Variants in B4GALNT3 observed in about 807,000 individuals in gnomAD.
The protein encoded by B4GALNT3 is beta-1,4-N-acetyl-galactosaminyltransferase 3, also known as beta-1,4-N-acetylgalactosaminyltransferase 3.
A neutral mutation model predicts 120.2 loss-of-function variants in B4GALNT3; 86 were observed. The observed-to-expected ratio is 0.72, with a 90% CI of 0.60 to 0.86. The LOEUF (loss-of-function observed/expected upper bound fraction) is 0.86. Among genes scored for constraint, B4GALNT3 ranks in the 40% least tolerant of loss-of-function variants. B4GALNT3 has a pLI of 0.00. For synonymous variants in B4GALNT3, 518 were observed against 510.4 expected (o/e 1.01, Z -0.20); for missense variants, 1,167 against 1,298.9 (o/e 0.90, Z 1.56).
intron 18 of B4GALNT3, 56 bp from the exon 19 acceptor site, chr12:559,239 T>C (rs1366727595): frequency 6.2e-7 from 1 of 1,609,012 alleles, no homozygotes; most frequent in Non-Finnish European, 8.5e-7. Context: ...GAAGCCTCCT[T>C]CCTTCCTCCT....
intron 3 of B4GALNT3, among the ~76,000 whole-genome samples, chr12:537,147 A>C (rs918183245): frequency 1.3e-5 from 2 of 152,246 alleles, no homozygotes; most frequent in Non-Finnish European, 2.9e-5. Flanking sequence ...TCGAGGATCC[A>C]TAGAAATGCT....
chr12:538,359 C>G (rs1385928120), intron 3 of B4GALNT3, among the ~76,000 whole-genome samples: 1 of 151,706 alleles, frequency 6.6e-6, no homozygotes, highest in Non-Finnish European at 1.5e-5. Context: ...GAGTTCCAGA[C>G]CAGCCTGGGC....
intron 5 of B4GALNT3, 83 bp from the exon 6 acceptor site, chr12:545,286 A>C (rs186965519): frequency 1.3e-6 from 2 of 1,521,074 alleles, no homozygotes; most frequent in African/African-American, 2.7e-5. Flanking sequence ...AGGGAATTTA[A>C]TCGCTAAGAC....
intron 1 of B4GALNT3, among the ~76,000 whole-genome samples, chr12:485,973 T>C (rs1346283219): frequency 6.6e-6 from 1 of 152,164 alleles, no homozygotes; most frequent in African/African-American, 2.4e-5. Context: ...CAGAAACCTC[T>C]GCAGAAACCA....
At chr12:546,758 G>C in intron 7 of B4GALNT3, 45 bp downstream of exon 7, 1 of 1,521,442 alleles carries the variant, frequency 6.6e-7, no homozygotes, top group South Asian at 1.2e-5. Flanking sequence ...TCGGTGCCTC[G>C]GTGGAGCCCG....
At chr12:465,450 A>G (rs1946067367) in intron 1 of B4GALNT3, among the ~76,000 whole-genome samples, 2 of 152,164 alleles carry the variant, frequency 1.3e-5, no homozygotes, top group South Asian at 2.1e-4. Context: ...TCCCTGTACC[A>G]TAATACATAT....
At chr12:502,057 T>G (rs371626486) in intron 1 of B4GALNT3, among the ~76,000 whole-genome samples, 3 of 152,186 alleles carry the variant, frequency 2.0e-5, no homozygotes, top group South Asian at 4.2e-4. Context: ...AGGCCTCTCC[T>G]AAGGCTGAGA....
At chr12:551,465 G>A (rs906384017) in intron 11 of B4GALNT3, among the ~76,000 whole-genome samples, 10 of 152,204 alleles carry the variant, frequency 6.6e-5, no homozygotes, top group African/African-American at 2.4e-4. Flanking sequence ...AAAGAACCCA[G>A]AACCCATGCG....
chr12:536,006 A>G (rs1364660073), intron 2 of B4GALNT3, among the ~76,000 whole-genome samples: 1 of 152,194 alleles, frequency 6.6e-6, no homozygotes, highest in Non-Finnish European at 1.5e-5. Context: ...GCTTTCCCAT[A>G]TGGGGAGGAC....
chr12:543,555 C>A (rs1946947653), intron 3 of B4GALNT3, among the ~76,000 whole-genome samples: 1 of 110,452 alleles, frequency 9.1e-6, no homozygotes, highest in African/African-American at 3.9e-5. Context: ...GCTCATCCTC[C>A]TGGAACTGAG....
In B4GALNT3 at chr12:545,489, G is replaced by T. The variant is rs376110815; in HGVS notation, c.639+20G>T. 8.8e-5 allele frequency: 138 copies of T among 1,575,128 alleles called. No homozygotes were observed. Among genetic ancestry groups the T allele is most frequent in the Non-Finnish European group, 1.1e-4 (126 of 1,159,450 alleles). On this transcript the variant is annotated intron_variant, in intron 6 of 19. Transcript: ENST00000266383. ...GGCAAGGTAAGGCCAGCTCAACCCCGGTCCCTCCCATCTGCTCCTGGAGCC... is the reference window on the plus strand; with the variant it reads ...GGCAAGGTAAGGCCAGCTCAACCCCTGTCCCTCCCATCTGCTCCTGGAGCC...
chr12:554,723 G>A (rs1343548887), intron 14 of B4GALNT3, among the ~76,000 whole-genome samples: 1 of 136,866 alleles, frequency 7.3e-6, no homozygotes, highest in Non-Finnish European at 1.5e-5. Flanking sequence ...CCGGGAGGCG[G>A]AGCTTGCAGT....
intron 1 of B4GALNT3, among the ~76,000 whole-genome samples, chr12:494,802 T>G (rs1333560580): frequency 6.6e-6 from 1 of 150,618 alleles, no homozygotes; most frequent in East Asian, 2.0e-4. Context: ...AAAGGCTGAC[T>G]GGGGCCTAAT....
intron 1 of B4GALNT3, among the ~76,000 whole-genome samples, chr12:475,913 C>T (rs1031031660): frequency 2.0e-5 from 3 of 152,174 alleles, no homozygotes; most frequent in East Asian, 1.9e-4. Context: ...CCCTTAGAAT[C>T]GGGTCGGCGC....
chr12:467,685 C>T (rs1276300333), intron 1 of B4GALNT3, among the ~76,000 whole-genome samples: 1 of 152,218 alleles, frequency 6.6e-6, no homozygotes, highest in Admixed American at 6.5e-5. Context: ...ACCACAGCAT[C>T]ACTAACAAAA....
At position 510,831 on chromosome 12, in the gene B4GALNT3, G is replaced by A. The variant is rs1946540740; in HGVS notation, c.170-24335G>A. Among the ~76,000 whole-genome samples, 3 of 151,904 alleles carry A rather than the reference G, an allele frequency of 2.0e-5. No homozygotes were observed. In the South Asian group the frequency reaches 6.2e-4, roughly 32 times the overall value. On this transcript the variant is annotated intron_variant, in intron 1 of 19. Transcript: ENST00000266383. The stretch of plus-strand genomic sequence containing the variant: ...AGCCTCAGATTCTCAGTGCCCATCT[G>A]AGTATTCGATTCACTGGTGCTGGTA...
intron 1 of B4GALNT3, among the ~76,000 whole-genome samples, chr12:498,485 C>T (rs1946409566): frequency 6.7e-6 from 1 of 149,942 alleles, no homozygotes; most frequent in African/African-American, 2.5e-5. Flanking sequence ...TAGTTGACTT[C>T]CTGTTTTTGT....
At chr12:494,530 G>A (rs1946371256) in intron 1 of B4GALNT3, among the ~76,000 whole-genome samples, 1 of 152,170 alleles carries the variant, frequency 6.6e-6, no homozygotes, top group Non-Finnish European at 1.5e-5. Flanking sequence ...CCATCCCATA[G>A]TAGTCATGCA....
chr12:553,255 C>T lies in B4GALNT3; in HGVS notation c.1332C>T (p.Ala444=). The change falls in exon 14 of 20, where the codon GCC becomes GCT. Residue 444 remains alanine (A), a synonymous_variant. Coordinates refer to ENST00000266383, the MANE Select transcript of B4GALNT3 (RefSeq NM_173593.4). ...GGGAAGTGGCAGAGGAGACCCCTGC[C>T]TCCAACAACCAGAATGCCAGGATGC... The part of the protein sequence containing the change: ...QYGEVAEETP[A]SNNQNARMLE... 1.2e-6 allele frequency: 2 copies of T among 1,613,558 alleles called. No individual in the cohort carries two copies. The highest frequency in any genetic ancestry group is 1.1e-5 in the South Asian group (1 of 91,086).
Sources: gnomAD v4.1 joint callset for allele counts (sites outside exome capture counted in the v4.1 genomes callset) on GRCh38, gnomAD v4.1.1 for gene constraint, MANE v1.5 for transcripts, NCBI Gene and HGNC (gene_info 2026-07-23, HGNC 2026-07-21) for gene names.